CDH18: variants seen among roughly 807,000 people sequenced by gnomAD.
CDH18 encodes the protein cadherin-18.
A neutral mutation model predicts 67.9 loss-of-function variants in CDH18; 31 were observed. The ratio of observed to expected loss-of-function variants is 0.46; its 90% CI spans 0.34 to 0.62. The LOEUF is 0.62. Among genes scored for constraint, CDH18 ranks in the 20% least tolerant of loss-of-function variants. The pLI, the probability that CDH18 is intolerant of heterozygous loss-of-function variation, is 0.01. For missense variants in CDH18, 890 were observed against 975.5 expected (o/e 0.91, Z 1.17); for synonymous variants, 362 against 347.2 (o/e 1.04, Z -0.48).
chr5:20,231,904 A>G (rs187794723), intron 2 of CDH18, among the ~76,000 whole-genome samples: 2 of 152,184 alleles, frequency 1.3e-5, no homozygotes, highest in Admixed American at 1.3e-4. Context: ...TAGTAATAGT[A>G]ACTTTTAAAG....
intron 1 of CDH18, among the ~76,000 whole-genome samples, chr5:20,432,096 A>C (rs1580986127): frequency 1.3e-5 from 2 of 152,164 alleles, no homozygotes; most frequent in Admixed American, 1.3e-4. Flanking sequence ...TTGATCAAAA[A>C]TCTCTGTGAC....
intron 2 of CDH18, among the ~76,000 whole-genome samples, chr5:20,235,701 G>A (rs1163593374): frequency 6.6e-6 from 1 of 152,184 alleles, no homozygotes; most frequent in Non-Finnish European, 1.5e-5. Flanking sequence ...TTCAGTCAGT[G>A]TGGAGAGTAG....
intron 3 of CDH18, among the ~76,000 whole-genome samples, chr5:19,799,204 C>T (rs768537174): frequency 6.6e-6 from 1 of 151,974 alleles, no homozygotes; most frequent in Non-Finnish European, 1.5e-5. Flanking sequence ...AATATTCAGT[C>T]TCACACAAGC....
intron 8 of CDH18, among the ~76,000 whole-genome samples, chr5:19,559,533 A>G (rs1285319435): frequency 1.3e-5 from 2 of 152,070 alleles, no homozygotes; most frequent in African/African-American, 2.4e-5. Flanking sequence ...CCTTAAGGTA[A>G]TAAAAGCCAT....
At chr5:19,718,620 TCTAA>T (rs1475551297) in intron 5 of CDH18, among the ~76,000 whole-genome samples, 2 of 151,938 alleles carry the variant, frequency 1.3e-5, no homozygotes, top group Non-Finnish European at 2.9e-5. Context: ...CTGATAACTG[TCTAA>T]CTCTCTAAGA....
chr5:19,490,590 T>A (rs1741303747), intron 11 of CDH18, among the ~76,000 whole-genome samples: 1 of 151,628 alleles, frequency 6.6e-6, no homozygotes, highest in Non-Finnish European at 1.5e-5. Flanking sequence ...AATTTTTATA[T>A]TTTTAGTAGA....
intron 8 of CDH18, among the ~76,000 whole-genome samples, chr5:19,566,120 A>T (rs1237520673): frequency 6.6e-6 from 1 of 152,216 alleles, no homozygotes; most frequent in Non-Finnish European, 1.5e-5. Flanking sequence ...ACATATAAAA[A>T]GGTGCTTAAC....
rs74460817 is a variant in CDH18 at position 20,174,984 on chromosome 5, C to T, written c.-518+80460G>A. 5.0e-3 allele frequency among the ~76,000 whole-genome samples: 758 copies of T among 152,126 alleles called. 17 individuals carry two copies. The highest frequency in any genetic ancestry group is 0.032 in the Admixed American group (481 of 15,262). ...ACTAGAAAAGCAATGAGAAATCTTT[C>T]TTTTATCTACCGAAGTCAGTACGTT... is the stretch of plus-strand genomic sequence containing the variant. On this transcript the variant is annotated intron_variant, in intron 2 of 14. Transcript: ENST00000507958.
intron 2 of CDH18, among the ~76,000 whole-genome samples, chr5:19,944,145 A>T (rs1052206292): frequency 2.6e-5 from 4 of 152,052 alleles, no homozygotes; most frequent in African/African-American, 9.7e-5. Context: ...TAATCTCCAG[A>T]TGATTGTTCG....
At chr5:20,028,833 G>T (rs1043142625) in intron 2 of CDH18, among the ~76,000 whole-genome samples, 1 of 151,758 alleles carries the variant, frequency 6.6e-6, no homozygotes, top group African/African-American at 2.4e-5. Flanking sequence ...ATATTTTTTT[G>T]GCTGCAGAAA....
chr5:19,902,740 TTTGGCAAC>T lies in CDH18; in HGVS notation c.-256-63506_-256-63499del, dbSNP rs1334716597. On this transcript the variant is annotated intron_variant, in intron 2 of 12. Transcript: ENST00000382275. ...TAACACAGGTAGAAAGAATGCAGAA[TTTGGCAAC>T]ATAATCTTGGCTGGATGCCCACTTG... Among the ~76,000 whole-genome samples the T allele has an allele frequency of 3.3e-5, 5 of 152,336 alleles. No individual in the cohort carries two copies. The East Asian group carries it at 9.6e-4, about 29-fold the overall frequency.
chr5:19,748,134 G>GAAAAAAAAAAAAAA (rs1554022366), intron 3 of CDH18, among the ~76,000 whole-genome samples: 1 of 67,136 alleles, frequency 1.5e-5, no homozygotes, highest in Non-Finnish European at 2.6e-5. Flanking sequence ...AAAAAAAAAA[G>GAAAAAAAAAAAAAA]AGTACTTTTT....
rs199734468 is a variant in CDH18, at chr5:19,822,089, C to T, written c.228+16670G>A. On this transcript the variant is annotated intron_variant, in intron 3 of 12. Transcript: ENST00000382275. ...TATAAACAGCTAACAACATCACAAC[C>T]GGATCAAAACTTCACCTTGAATGTA... 2.0e-4 allele frequency among the ~76,000 whole-genome samples: 30 copies of T among 152,160 alleles called. 1 individual carries two copies. In the South Asian group the frequency reaches 3.5e-3, roughly 18 times the overall value.
At chr5:20,091,651 T>C (rs1008488128) in intron 2 of CDH18, among the ~76,000 whole-genome samples, 3 of 152,082 alleles carry the variant, frequency 2.0e-5, no homozygotes, top group Non-Finnish European at 4.4e-5. Flanking sequence ...GTTTATAATA[T>C]CTAATTCACT....
chr5:20,033,768 T>G (rs1290582565), intron 2 of CDH18, among the ~76,000 whole-genome samples: 1 of 152,040 alleles, frequency 6.6e-6, no homozygotes, highest in East Asian at 1.9e-4. Flanking sequence ...CCATTAACAT[T>G]ACTAATGCCT....
intron 1 of CDH18, among the ~76,000 whole-genome samples, chr5:20,286,325 A>C (rs951922819): frequency 6.6e-6 from 1 of 151,686 alleles, no homozygotes; most frequent in African/African-American, 2.4e-5. Flanking sequence ...TTTAAATAAG[A>C]TATACATATG....
chr5:20,525,877 C>A (rs1351982384), intron 1 of CDH18, among the ~76,000 whole-genome samples: 1 of 151,902 alleles, frequency 6.6e-6, no homozygotes, highest in Non-Finnish European at 1.5e-5. Flanking sequence ...TCATCTTTAG[C>A]AATATTTTAT....
chr5:20,279,699 CAAAAAAAAAAA>C (rs1189257278), intron 1 of CDH18, among the ~76,000 whole-genome samples: 98 of 13,590 alleles, frequency 7.2e-3, no homozygotes, highest in Admixed American at 0.032. Flanking sequence ...AGCTCTGTCT[CAAAAAAAAAAA>C]AAAAAAAAAA....
intron 1 of CDH18, among the ~76,000 whole-genome samples, chr5:19,984,214 TA>T (rs1799338940): frequency 6.6e-6 from 1 of 152,060 alleles, no homozygotes; most frequent in Non-Finnish European, 1.5e-5. Flanking sequence ...TATATCTTTC[TA>T]AAAATATATA....
Sources: allele counts gnomAD v4.1 joint callset (sites outside exome capture counted in the v4.1 genomes callset), GRCh38; gene constraint gnomAD v4.1.1; transcripts MANE v1.5; gene names NCBI Gene and HGNC (gene_info 2026-07-23, HGNC 2026-07-21).